The following DPP10 variants were observed in gnomAD, a reference collection of about 807,000 sequenced individuals.
DPP10 encodes the protein dipeptidyl peptidase like 10, also known as inactive dipeptidyl peptidase 10.
In DPP10, 33 loss-of-function variants were observed where a neutral mutation model predicts 120.9. The observed-to-expected ratio is 0.27, with a 90% CI of 0.21 to 0.37. The LOEUF (loss-of-function observed/expected upper bound fraction) is 0.37. Ranked by LOEUF, DPP10 falls within the 10% of genes least tolerant of loss-of-function variation. The probability of loss-of-function intolerance (pLI) is 1.00; values close to 1 mark genes in which losing one functional copy is unlikely to be tolerated. For synonymous variants in DPP10, 337 were observed against 326.1 expected (o/e 1.03, Z -0.36); for missense variants, 816 against 942.8 (o/e 0.87, Z 1.76).
chr2:115,345,793 G>A (rs1317221514), intron 3 of DPP10, among the ~76,000 whole-genome samples: 1 of 152,114 alleles, frequency 6.6e-6, no homozygotes, highest in Non-Finnish European at 1.5e-5. Flanking sequence ...GTAGGACACA[G>A]ATTCTACTCT....
chr2:114,712,184 A>G (rs111569185), intron 1 of DPP10, among the ~76,000 whole-genome samples: 3,813 of 152,066 alleles, frequency 0.025, 178 homozygotes, highest in African/African-American at 0.087. Context: ...GCTGGGCGTG[A>G]TGGTGCATGC....
intron 1 of DPP10, among the ~76,000 whole-genome samples, chr2:115,175,230 A>G (rs2053611373): frequency 6.6e-6 from 1 of 152,154 alleles, no homozygotes; most frequent in Admixed American, 6.5e-5. Context: ...TCATCTGTGT[A>G]GCTCTGGATT....
chr2:114,826,779 C>T lies in DPP10; in HGVS notation c.60+383941C>T, dbSNP rs377129369. ...TCTTGGCCTTGTGATCTGCCTGCCT[C>T]GGCCTCCCAAAGTGCTGGGATTACA... On this transcript the variant is annotated intron_variant, in intron 1 of 25. Transcript: ENST00000410059. Among the ~76,000 whole-genome samples, 9 of 152,204 alleles carry T rather than the reference C, an allele frequency of 5.9e-5. No homozygotes were observed. In the East Asian group the frequency reaches 9.6e-4, roughly 16 times the overall value.
chr2:114,471,568 C>A (rs1055908701), intron 1 of DPP10, among the ~76,000 whole-genome samples: 1 of 152,120 alleles, frequency 6.6e-6, no homozygotes, highest in African/African-American at 2.4e-5. Context: ...ATTCTATAAT[C>A]ATTTCAAGTT....
chr2:115,581,614 G>A lies in DPP10; in HGVS notation c.441+55642G>A, dbSNP rs889029367. 2.6e-5 allele frequency among the ~76,000 whole-genome samples: 4 copies of A among 152,256 alleles called. No individual in the cohort carries two copies. In the East Asian group the frequency reaches 7.7e-4, roughly 29 times the overall value. On this transcript the variant is annotated intron_variant, in intron 5 of 25. Coordinates refer to ENST00000410059, the MANE Select transcript of DPP10 (RefSeq NM_020868.6). ...TAAAATTATAGGTATGGTAAGAACAGTAGTCTCAGTGGTATCTGCAAATTC... is the reference window on the plus strand; with the variant it reads ...TAAAATTATAGGTATGGTAAGAACAATAGTCTCAGTGGTATCTGCAAATTC...
At chr2:114,834,438 T>G (rs549527407) in intron 1 of DPP10, among the ~76,000 whole-genome samples, 1 of 151,694 alleles carries the variant, frequency 6.6e-6, no homozygotes, top group South Asian at 2.1e-4. Flanking sequence ...ATAAGCCATA[T>G]CTACACACCT....
chr2:115,061,639 T>G (rs1280226097), intron 1 of DPP10, among the ~76,000 whole-genome samples: 6 of 152,182 alleles, frequency 3.9e-5, no homozygotes, highest in Admixed American at 3.9e-4. Context: ...ATGGTGATGA[T>G]TATAGAGAGA....
intron 1 of DPP10, among the ~76,000 whole-genome samples, chr2:114,987,686 TAG>T (rs1558958091): frequency 1.3e-5 from 2 of 152,130 alleles, no homozygotes; most frequent in Non-Finnish European, 2.9e-5. Flanking sequence ...AAGCTAAAAT[TAG>T]TAGGAATGGC....
intron 5 of DPP10, among the ~76,000 whole-genome samples, chr2:115,584,495 A>C (rs1684105582): frequency 6.6e-6 from 1 of 152,346 alleles, no homozygotes; most frequent in Non-Finnish European, 1.5e-5. Context: ...AGAAGAATGT[A>C]GCAAAGACCA....
chr2:114,897,633 A>G (rs1251020133), intron 1 of DPP10, among the ~76,000 whole-genome samples: 1 of 151,732 alleles, frequency 6.6e-6, no homozygotes, highest in Admixed American at 6.6e-5. Context: ...TCTACAATGA[A>G]CTCAAACAAA....
intron 3 of DPP10, among the ~76,000 whole-genome samples, chr2:115,444,024 C>T (rs1188846393): frequency 6.6e-6 from 1 of 152,128 alleles, no homozygotes; most frequent in African/African-American, 2.4e-5. Context: ...CCCTGCTTCC[C>T]CTCCCCCACA....
intron 1 of DPP10, among the ~76,000 whole-genome samples, chr2:114,744,133 T>A (rs1678335532): frequency 6.6e-6 from 1 of 152,142 alleles, no homozygotes; most frequent in Non-Finnish European, 1.5e-5. Context: ...AGTTCCTGAT[T>A]CGGTTGAGTA....
At chr2:115,515,069 T>C (rs904603362) in intron 4 of DPP10, among the ~76,000 whole-genome samples, 10 of 151,898 alleles carry the variant, frequency 6.6e-5, no homozygotes, top group African/African-American at 1.9e-4. Flanking sequence ...GAAGAGCTTT[T>C]TATATGAACT....
chr2:115,093,082 T>G (rs1267628328), intron 1 of DPP10, among the ~76,000 whole-genome samples: 1 of 152,168 alleles, frequency 6.6e-6, no homozygotes. Context: ...ATAGTAGAGA[T>G]AAGGTGAAAG....
At chr2:114,860,165 T>A (rs886609292) in intron 1 of DPP10, among the ~76,000 whole-genome samples, 1 of 152,302 alleles carries the variant, frequency 6.6e-6, no homozygotes, top group East Asian at 1.9e-4. Context: ...AGTCACAAAT[T>A]CCCTAGGTTT....
chr2:115,507,914 G>A (rs1437496381), intron 4 of DPP10, among the ~76,000 whole-genome samples: 3 of 152,130 alleles, frequency 2.0e-5, no homozygotes, highest in Admixed American at 2.0e-4. Context: ...AAGTAGGTGG[G>A]TGGAGGATTT....
Position 115,768,279 on chromosome 2 carries a change from T to C in DPP10, c.1114-18T>C. 1.2e-6 allele frequency: 2 copies of C among 1,609,172 alleles called. No individual in the cohort carries two copies. Among genetic ancestry groups the C allele is most frequent in the Non-Finnish European group, 1.7e-6 (2 of 1,175,886 alleles). On this transcript the variant is annotated intron_variant, in intron 12 of 25. Transcript: ENST00000410059. ...CATGTGCCTTTCTGAGATTGTTCTG[T>C]GCTCTTCTGTATTTTAGAATGAGGA...
intron 1 of DPP10, among the ~76,000 whole-genome samples, chr2:114,814,330 C>T (rs1042823550): frequency 1.3e-5 from 2 of 151,566 alleles, no homozygotes; most frequent in Admixed American, 1.3e-4. Flanking sequence ...AAATTGAGAA[C>T]GTGAGTGAAG....
chr2:114,929,469 T>G (rs1310334293), intron 1 of DPP10, among the ~76,000 whole-genome samples: 2 of 152,100 alleles, frequency 1.3e-5, no homozygotes, highest in African/African-American at 2.4e-5. Context: ...TTTAGAGGCC[T>G]CCCCCTGGGA....
Sources: gnomAD v4.1 joint callset for allele counts (sites outside exome capture counted in the v4.1 genomes callset) on GRCh38, gnomAD v4.1.1 for gene constraint, MANE v1.5 for transcripts, NCBI Gene and HGNC (gene_info 2026-07-23, HGNC 2026-07-21) for gene names.